The following NCALD variants were observed in gnomAD, a reference collection of about 807,000 sequenced individuals.
NCALD encodes neurocalcin-delta.
Under a neutral mutation model 18.6 loss-of-function variants are expected in NCALD, and 10 were observed. The observed-to-expected ratio is 0.54, with a 90% CI of 0.33 to 0.91. The LOEUF (loss-of-function observed/expected upper bound fraction) is 0.91, where lower values mean the gene tolerates loss of function less well. NCALD is among the 40% of genes least tolerant of loss of function. The pLI is 0.03. For missense variants in NCALD, 184 were observed against 247.6 expected, an observed-to-expected ratio of 0.74 and a Z score of 1.72; for synonymous variants, 88 against 87.4, an observed-to-expected ratio of 1.01 and a Z score of -0.04.
chr8:101,862,485 T>C (rs575155826), intron 4 of NCALD, among the ~76,000 whole-genome samples: 1 of 152,342 alleles, frequency 6.6e-6, no homozygotes, highest in East Asian at 1.9e-4. Context: ...AGAAAATGTT[T>C]AGCATGTGCT....
intron 2 of NCALD, among the ~76,000 whole-genome samples, chr8:101,997,601 T>C (rs942638325): frequency 6.6e-6 from 1 of 152,188 alleles, no homozygotes; most frequent in Non-Finnish European, 1.5e-5. Flanking sequence ...AAGAATGTAA[T>C]CTTCTCGGCA....
chr8:102,033,835 T>C (rs2132148693), intron 1 of NCALD, among the ~76,000 whole-genome samples: 1 of 152,240 alleles, frequency 6.6e-6, no homozygotes, highest in South Asian at 2.1e-4. Flanking sequence ...ACACAGACTT[T>C]TCAGGAGTAA....
At chr8:101,785,424 T>C (rs890874667) in intron 1 of NCALD, among the ~76,000 whole-genome samples, 2 of 152,118 alleles carry the variant, frequency 1.3e-5, no homozygotes, top group African/African-American at 4.8e-5. Flanking sequence ...AAGAAAACTC[T>C]GATTTAGGTA....
intron 4 of NCALD, among the ~76,000 whole-genome samples, chr8:101,873,994 A>AC (rs1226563408): frequency 1.3e-5 from 2 of 152,162 alleles, no homozygotes; most frequent in African/African-American, 4.8e-5. Context: ...GCCCAGTTTC[A>AC]CCCCAGGAAA....
intron 1 of NCALD, among the ~76,000 whole-genome samples, chr8:101,722,597 T>C (rs998539383): frequency 6.6e-6 from 1 of 152,208 alleles, no homozygotes; most frequent in Non-Finnish European, 1.5e-5. Flanking sequence ...TAAAGAATGA[T>C]TTATGTCTCC....
intron 4 of NCALD, among the ~76,000 whole-genome samples, chr8:101,836,408 G>A (rs144175476): frequency 9.9e-5 from 15 of 152,282 alleles, no homozygotes; most frequent in Middle Eastern, 3.4e-3. Context: ...TCACTTACCC[G>A]TCCTGGGCCT....
rs1217810081 is a variant in NCALD at position 101,688,515 on chromosome 8, T to C, written c.*794A>G. The C allele has an allele frequency of 5.6e-6, 2 of 357,856 alleles. No homozygotes were observed. The allele number at this position is 357,856 out of a possible 1,614,324, so 22.2% of individuals were successfully genotyped here. ...TGTATTAGTGCTCACTAAACATGCA[T>C]TTCATTTAAACAAGGCAAAACACTT... On this transcript the variant is annotated 3_prime_UTR_variant, in exon 4 of 4. Coordinates refer to ENST00000220931, the MANE Select transcript of NCALD (RefSeq NM_032041.3).
chr8:101,692,795 T>C lies in NCALD; in HGVS notation c.480A>G (p.Arg160=). The C allele has an allele frequency of 1.2e-6, 2 of 1,612,388 alleles. No homozygotes were observed. The highest frequency in any genetic ancestry group is 1.3e-5 in the African/African-American group (1 of 74,990). ...AGTGTAGCCCCCGCCTCCTACCGTC[T>C]CTATTGGTGTCCATCTGGCGGAAGA... ...EKIFRQMDTN[R]DGKLSLEEFI... is the part of the protein sequence containing the mutation. The change falls in exon 3 of 4, where the codon AGA becomes AGG. Residue 160 remains arginine (R), a synonymous_variant. Transcript: ENST00000220931.
At chr8:101,766,255 C>G (rs1811341993) in intron 1 of NCALD, among the ~76,000 whole-genome samples, 1 of 152,088 alleles carries the variant, frequency 6.6e-6, no homozygotes, top group Non-Finnish European at 1.5e-5. Flanking sequence ...GCAGTAAATT[C>G]CATTTTAAAT....
At chr8:102,105,429 A>G (rs533729687) in intron 1 of NCALD, among the ~76,000 whole-genome samples, 1 of 152,266 alleles carries the variant, frequency 6.6e-6, no homozygotes, top group Non-Finnish European at 1.5e-5. Flanking sequence ...GCAGGTAATT[A>G]TTTTGCTGCC....
chr8:102,117,715 T>C (rs1825831739), intron 1 of NCALD, among the ~76,000 whole-genome samples: 1 of 152,192 alleles, frequency 6.6e-6, no homozygotes, highest in Admixed American at 6.5e-5. Flanking sequence ...ATTCTTTTTA[T>C]CTAAACACAA....
At chr8:101,928,366 C>A (rs1818415304) in intron 2 of NCALD, among the ~76,000 whole-genome samples, 1 of 152,110 alleles carries the variant, frequency 6.6e-6, no homozygotes. Context: ...TAATATTACT[C>A]AAAAATAATG....
chr8:101,893,296 T>C (rs1007056071), intron 3 of NCALD, among the ~76,000 whole-genome samples: 1 of 151,056 alleles, frequency 6.6e-6, no homozygotes, highest in Non-Finnish European at 1.5e-5. Flanking sequence ...TAAAATACTT[T>C]ACAGACAAGC....
At chr8:101,911,608 C>T (rs753060298) in intron 3 of NCALD, among the ~76,000 whole-genome samples, 87 of 152,222 alleles carry the variant, frequency 5.7e-4, no homozygotes, top group Non-Finnish European at 6.3e-4. Flanking sequence ...TCTGCCACCT[C>T]GGCCTCCCAA....
At chr8:101,884,797 T>G (rs1816616022) in intron 4 of NCALD, among the ~76,000 whole-genome samples, 1 of 152,208 alleles carries the variant, frequency 6.6e-6, no homozygotes, top group African/African-American at 2.4e-5. Context: ...ATTACTCGAC[T>G]GATCAGTATT....
chr8:101,893,577 TAAAG>T (rs1817009841), intron 3 of NCALD, among the ~76,000 whole-genome samples: 1 of 124,582 alleles, frequency 8.0e-6, no homozygotes, highest in Non-Finnish European at 1.6e-5. Flanking sequence ...GCAAATTGGA[TAAAG>T]AGTCAAGACC....
At chr8:102,116,690 T>C (rs1367360060) in intron 1 of NCALD, among the ~76,000 whole-genome samples, 3 of 151,958 alleles carry the variant, frequency 2.0e-5, no homozygotes, top group Admixed American at 2.0e-4. Flanking sequence ...TATTTTTTGG[T>C]AGAGATGGGG....
At chr8:101,735,618 A>C (rs200927207) in intron 1 of NCALD, among the ~76,000 whole-genome samples, 2 of 152,212 alleles carry the variant, frequency 1.3e-5, no homozygotes, top group East Asian at 3.8e-4. Context: ...TTACACAAAA[A>C]ATCTGTGGTT....
chr8:101,706,369 C>T (rs79636358), intron 2 of NCALD, among the ~76,000 whole-genome samples: 3,910 of 151,164 alleles, frequency 0.026, 135 homozygotes, highest in African/African-American at 0.078. Context: ...GAATTTGTTT[C>T]TGGAATATTG....
Sources: gnomAD v4.1 joint callset for allele counts (sites outside exome capture counted in the v4.1 genomes callset) on GRCh38, gnomAD v4.1.1 for gene constraint, MANE v1.5 for transcripts, NCBI Gene and HGNC (gene_info 2026-07-23, HGNC 2026-07-21) for gene names.